SMC6: variants seen among roughly 807,000 people sequenced by gnomAD.
SMC6 encodes the protein structural maintenance of chromosomes 6, also known as structural maintenance of chromosomes protein 6.
In SMC6, 79 loss-of-function variants were observed where a neutral mutation model predicts 142.2. The ratio of observed to expected loss-of-function variants is 0.56; its 90% CI spans 0.46 to 0.67. SMC6 has a LOEUF of 0.67. Among genes scored for constraint, SMC6 ranks in the 30% least tolerant of loss-of-function variants. The pLI is 0.00. For missense variants in SMC6, 1,072 were observed against 1,284.0 expected (o/e 0.83, Z 2.52); for synonymous variants, 411 against 412.4 (o/e 1.00, Z 0.04).
Position 17,714,947 on chromosome 2 carries a change from G to A in SMC6, c.1644C>T (p.Leu548=), listed in dbSNP as rs1238047187. The change falls in exon 16 of 28, where the codon CTC becomes CTT. Residue 548 remains leucine, a synonymous_variant. Coordinates refer to ENST00000448223, the MANE Select transcript of SMC6 (RefSeq NM_001142286.2). ...TCCCTGGTAAATAAAACCTTTTCAT[G>A]AGTGCCTGAAGGACCCTTTCATCAG... The part of the protein sequence containing the change: ...NHADERVLQA[L]MKRFYLPGTS... The A allele has an allele frequency of 2.5e-6, 4 of 1,613,854 alleles. No individual in the cohort carries two copies. The South Asian group carries it at 3.3e-5, about 13-fold the overall frequency.
At chr2:17,690,132 T>TA in intron 23 of SMC6, among the ~76,000 whole-genome samples, 1 of 152,328 alleles carries the variant, frequency 6.6e-6, no homozygotes, top group South Asian at 2.1e-4. Flanking sequence ...TTATAACTAA[T>TA]AGAGAAATGT....
intron 26 of SMC6, among the ~76,000 whole-genome samples, chr2:17,669,794 T>C (rs750899757): frequency 9.9e-5 from 15 of 152,194 alleles, no homozygotes; most frequent in Non-Finnish European, 1.9e-4. Context: ...ACTTACTATA[T>C]GCCTGAACCA....
chr2:17,704,226 A>G (rs1020173091), intron 18 of SMC6, among the ~76,000 whole-genome samples: 1 of 152,196 alleles, frequency 6.6e-6, no homozygotes, highest in African/African-American at 2.4e-5. Context: ...CGTATTCTCT[A>G]AATTTTTCAT....
chr2:17,665,426 T>C lies in SMC6; in HGVS notation c.*73A>G, dbSNP rs187823581. On this transcript the variant is annotated 3_prime_UTR_variant, in exon 28 of 28. Transcript: ENST00000448223. Reference sequence around the variant, plus strand: ...GAATGCCTCCAGTCTCATTTTATTATATCAAAGAGTCCAGAATTTTTTTTC... The same window carrying C: ...GAATGCCTCCAGTCTCATTTTATTACATCAAAGAGTCCAGAATTTTTTTTC... 24 of 890,828 alleles carry C rather than the reference T, an allele frequency of 2.7e-5. No homozygotes were observed. The highest frequency in any genetic ancestry group is 3.9e-5 in the Non-Finnish European group (23 of 593,502). 55.2% of individuals were successfully genotyped at this position (890,828 alleles called of 1,614,324 possible).
Position 17,731,143 on chromosome 2 carries a change from G to T in SMC6, c.482-4C>A. ...TTCCTCGTGGAAACCACGGAGCCTAGTTATAAGAAACATATGAAATAACCA... is the reference window on the plus strand; with the variant it reads ...TTCCTCGTGGAAACCACGGAGCCTATTTATAAGAAACATATGAAATAACCA... On this transcript the variant is annotated splice_polypyrimidine_tract_variant and splice_region_variant and intron_variant, in intron 6 of 27. Transcript: ENST00000448223. 1 of 1,606,974 alleles carries T rather than the reference G, an allele frequency of 6.2e-7. No individual in the cohort carries two copies. The highest frequency in any genetic ancestry group is 8.5e-7 in the Non-Finnish European group (1 of 1,175,534).
At chr2:17,696,775 G>A (rs528430150) in intron 21 of SMC6, among the ~76,000 whole-genome samples, 1 of 151,958 alleles carries the variant, frequency 6.6e-6, no homozygotes, top group South Asian at 2.1e-4. Flanking sequence ...AAAAAGGGTG[G>A]GTTCGGGAAA....
At chr2:17,728,733 T>C (rs976637519) in intron 7 of SMC6, among the ~76,000 whole-genome samples, 1 of 149,536 alleles carries the variant, frequency 6.7e-6, no homozygotes, top group Non-Finnish European at 1.5e-5. Flanking sequence ...CCAAGAAAAA[T>C]ATACGCCAAG....
intron 7 of SMC6, among the ~76,000 whole-genome samples, chr2:17,729,153 T>C (rs1669783148): frequency 6.6e-6 from 1 of 152,334 alleles, no homozygotes; most frequent in South Asian, 2.1e-4. Context: ...AATATTATCA[T>C]TGTAACATGT....
intron 3 of SMC6, among the ~76,000 whole-genome samples, chr2:17,744,080 T>C (rs1670613642): frequency 6.6e-6 from 1 of 152,216 alleles, no homozygotes; most frequent in Admixed American, 6.5e-5. Flanking sequence ...TTTCAACTCC[T>C]TTGGGTAAAT....
intron 11 of SMC6, among the ~76,000 whole-genome samples, chr2:17,719,374 G>A (rs947802539): frequency 6.6e-6 from 1 of 152,114 alleles, no homozygotes; most frequent in Admixed American, 6.5e-5. Context: ...CACACACAAT[G>A]TGAAAGGCTT....
intron 5 of SMC6, among the ~76,000 whole-genome samples, chr2:17,734,258 C>A (rs1407734945): frequency 6.6e-6 from 1 of 152,226 alleles, no homozygotes; most frequent in Non-Finnish European, 1.5e-5. Flanking sequence ...TTCCTCTCTG[C>A]AGTTTCATGA....
rs1334862433 is a variant in SMC6, at chr2:17,678,924, G to A, written c.2845C>T (p.Leu949=). 6.2e-7 allele frequency: 1 copy of A among 1,609,278 alleles called. No individual in the cohort carries two copies. The highest frequency in any genetic ancestry group is 1.7e-5 in the Admixed American group (1 of 59,562). ...LRCKLYFDNL[L]SQRAYCGKMN... is the part of the protein sequence containing the mutation. ...TTTCCACAATAGGCCCGCTGAGATA[G>A]TAAGTTGTCAAAGTATAATTTGCAT... Residue 949 remains leucine (L), a synonymous_variant, in exon 25 of 28, where the codon CTA becomes TTA. Transcript: ENST00000448223.
Position 17,731,143 on chromosome 2 carries a change from G to A in SMC6, c.482-4C>T, listed in dbSNP as rs1669895987. 1.2e-6 allele frequency: 2 copies of A among 1,606,856 alleles called. No homozygotes were observed. On this transcript the variant is annotated splice_polypyrimidine_tract_variant and splice_region_variant and intron_variant, in intron 6 of 27. Coordinates refer to ENST00000448223, the MANE Select transcript of SMC6 (RefSeq NM_001142286.2). Reference sequence around the variant, plus strand: ...TTCCTCGTGGAAACCACGGAGCCTAGTTATAAGAAACATATGAAATAACCA... The same window carrying A: ...TTCCTCGTGGAAACCACGGAGCCTAATTATAAGAAACATATGAAATAACCA...
chr2:17,670,364 G>GAA, intron 26 of SMC6, 59 bp downstream of exon 26: 1 of 1,528,246 alleles, frequency 6.5e-7, no homozygotes, highest in South Asian at 1.2e-5. Flanking sequence ...CCTTCCTTTA[G>GAA]AAATACATGT....
chr2:17,753,362 G>A (rs1170197012), intron 1 of SMC6, among the ~76,000 whole-genome samples: 2 of 152,186 alleles, frequency 1.3e-5, no homozygotes, highest in Non-Finnish European at 2.9e-5. Flanking sequence ...CGCCTGGGAG[G>A]GGACGGCCCG....
chr2:17,719,333 T>C (rs1318590818), intron 11 of SMC6, among the ~76,000 whole-genome samples: 1 of 152,218 alleles, frequency 6.6e-6, no homozygotes, highest in African/African-American at 2.4e-5. Flanking sequence ...AAACCTTCCA[T>C]TTAACAGTCA....
At chr2:17,672,756 T>C (rs1666822144) in intron 25 of SMC6, among the ~76,000 whole-genome samples, 1 of 152,232 alleles carries the variant, frequency 6.6e-6, no homozygotes, top group Non-Finnish European at 1.5e-5. Context: ...AGATCATCTA[T>C]GTTGTGTGCA....
chr2:17,682,970 G>C (rs1406673486), intron 24 of SMC6, among the ~76,000 whole-genome samples: 1 of 151,650 alleles, frequency 6.6e-6, no homozygotes, highest in South Asian at 2.1e-4. Context: ...GAGGGAATTT[G>C]CCTGGAGAAA....
intron 27 of SMC6, among the ~76,000 whole-genome samples, chr2:17,665,855 A>C (rs1405087421): frequency 1.3e-5 from 2 of 152,230 alleles, no homozygotes; most frequent in East Asian, 3.8e-4. Flanking sequence ...AAAATGAAAG[A>C]GATTTATATA....
Sources: allele counts gnomAD v4.1 joint callset (sites outside exome capture counted in the v4.1 genomes callset), GRCh38; gene constraint gnomAD v4.1.1; transcripts MANE v1.5; gene names NCBI Gene and HGNC (gene_info 2026-07-23, HGNC 2026-07-21).